SOD2: variants seen among roughly 807,000 people sequenced by gnomAD.
SOD2 encodes the protein superoxide dismutase 2, also known as superoxide dismutase [Mn], mitochondrial.
Under a neutral mutation model 27.0 loss-of-function variants are expected in SOD2, and 11 were observed. The ratio of observed to expected loss-of-function variants is 0.41; its 90% CI spans 0.26 to 0.67. The LOEUF is 0.67. Among genes scored for constraint, SOD2 ranks in the 30% least tolerant of loss-of-function variants. The pLI, the probability that SOD2 is intolerant of heterozygous loss-of-function variation, is 0.34. For missense variants in SOD2, 250 were observed against 274.5 expected, an observed-to-expected ratio of 0.91 and a Z score of 0.63; for synonymous variants, 105 against 103.0, an observed-to-expected ratio of 1.02 and a Z score of -0.12.
chr6:159,757,843 A>G (rs1025326069), intron 1 of SOD2, among the ~76,000 whole-genome samples: 1 of 152,248 alleles, frequency 6.6e-6, no homozygotes, highest in Admixed American at 6.5e-5. Context: ...ACATCCTTCA[A>G]CTTGACCAAT....
chr6:159,707,587 T>G (rs548769011), intron 1 of SOD2, among the ~76,000 whole-genome samples: 1 of 152,308 alleles, frequency 6.6e-6, no homozygotes, highest in African/African-American at 2.4e-5. Context: ...AATCTCTGAA[T>G]AGACCAATAA....
At chr6:159,685,467 C>G (rs879853869) in intron 3 of SOD2, among the ~76,000 whole-genome samples, 2 of 152,110 alleles carry the variant, frequency 1.3e-5, no homozygotes, top group Non-Finnish European at 1.5e-5. Context: ...GTCTCAAACT[C>G]CCAACCTCAG....
chr6:159,713,146 C>A, intron 1 of SOD2: 1 of 1,227,664 alleles, frequency 8.1e-7, no homozygotes, highest in Non-Finnish European at 1.1e-6. Flanking sequence ...CTGTGGTGCT[C>A]TGGAAACTGG....
In SOD2 at chr6:159,675,607, T is replaced by C. The variant is rs1779763489; in HGVS notation, c.*6886A>G. 1 of 152,122 alleles carries C rather than the reference T, an allele frequency of 6.6e-6. No individual in the cohort carries two copies. The highest frequency in any genetic ancestry group is 2.1e-4 in the South Asian group (1 of 4,828). The allele number at this position is 152,122 out of a possible 1,614,324, so 9.4% of individuals were successfully genotyped here. ...TATACAAAAATTAATTCAAGATGGA[T>C]TAAAGACTTAAATGTTAGACCTAAA... On this transcript the variant is annotated 3_prime_UTR_variant, in exon 5 of 5. Transcript: ENST00000538183.
chr6:159,706,442 T>A (rs1251919831), intron 1 of SOD2, among the ~76,000 whole-genome samples: 3 of 151,850 alleles, frequency 2.0e-5, no homozygotes, highest in Non-Finnish European at 4.4e-5. Context: ...GCAAGTGGAA[T>A]ACAAAAAAAG....
chr6:159,671,550 A>C lies in SOD2; in HGVS notation c.*10943T>G, dbSNP rs544876474. The C allele has an allele frequency of 6.6e-6, 1 of 152,446 alleles. No homozygotes were observed. The highest frequency in any genetic ancestry group is 2.1e-4 in the South Asian group (1 of 4,826). The allele number at this position is 152,446 out of a possible 1,614,324, so 9.4% of individuals were successfully genotyped here. ...GGCGGTCCTGACTGTTAGAAGGAAA[A>C]CTAACAAACAGAAAGGACATCCACA... On this transcript the variant is annotated 3_prime_UTR_variant, in exon 5 of 5. Transcript: ENST00000538183.
rs563664314 is a variant in SOD2 at position 159,675,869 on chromosome 6, C to T, written c.*6624G>A. On this transcript the variant is annotated 3_prime_UTR_variant, in exon 5 of 5. Transcript: ENST00000538183. The stretch of plus-strand genomic sequence containing the variant: ...ACTCATCTGACAAAGGGCTAATATC[C>T]AGAATCTACAAGGAACTCAAACAAA... 2.6e-5 allele frequency: 4 copies of T among 152,188 alleles called. No homozygotes were observed. Among genetic ancestry groups the T allele is most frequent in the East Asian group, 3.9e-4 (2 of 5,186 alleles). The allele number at this position is 152,188 out of a possible 1,614,324, so 9.4% of individuals were successfully genotyped here.
chr6:159,750,100 TCTG>T (rs1419257244), upstream of SOD2, among the ~76,000 whole-genome samples: 2 of 152,208 alleles, frequency 1.3e-5, no homozygotes, highest in Non-Finnish European at 2.9e-5. Context: ...CAGCAAGAAA[TCTG>T]CTTCTAAAAT....
rs535057139 is a variant in SOD2, at chr6:159,676,189, C to T, written c.*6304G>A. 22 of 152,264 alleles carry T rather than the reference C, an allele frequency of 1.4e-4. 1 individual carries two copies. In the South Asian group the frequency reaches 3.1e-3, roughly 21 times the overall value. 9.4% of individuals were successfully genotyped at this position (152,264 alleles called of 1,614,324 possible). On this transcript the variant is annotated 3_prime_UTR_variant, in exon 5 of 5. Transcript: ENST00000538183. ...TCAACCATTGTGGAAGACAGTGTGG[C>T]GATTCCTCAGGGATCTAGAACTAGA...
chr6:159,727,157 A>G, exon 1 of SOD2: 2 of 1,193,266 alleles, frequency 1.7e-6, no homozygotes, highest in Non-Finnish European at 1.1e-6. Context: ...GGGCCCGCGG[A>G]GCTCGCGCCA....
rs993285381 is a variant in SOD2 at position 159,682,465 on chromosome 6, T to C, written c.*28A>G. 5.0e-6 allele frequency: 8 copies of C among 1,606,172 alleles called. No individual in the cohort carries two copies. Among genetic ancestry groups the C allele is most frequent in the Non-Finnish European group, 6.8e-6 (8 of 1,175,850 alleles). On this transcript the variant is annotated 3_prime_UTR_variant, in exon 5 of 5. Coordinates refer to ENST00000538183, the MANE Select transcript of SOD2 (RefSeq NM_000636.4). Reference sequence around the variant, plus strand: ...CACTACAAAAACAGTCATAAAGAGCTTAACATACTCAGCATAACGATCGTG... The same window carrying C: ...CACTACAAAAACAGTCATAAAGAGCCTAACATACTCAGCATAACGATCGTG...
At chr6:159,716,382 C>T (rs988533486) in intron 1 of SOD2, among the ~76,000 whole-genome samples, 2 of 152,186 alleles carry the variant, frequency 1.3e-5, no homozygotes, top group Non-Finnish European at 2.9e-5. Context: ...GTTGCCTCAT[C>T]GTCACAAGAT....
upstream of SOD2, among the ~76,000 whole-genome samples, chr6:159,697,298 T>A (rs750860137): frequency 2.0e-5 from 3 of 152,174 alleles, no homozygotes; most frequent in Non-Finnish European, 4.4e-5. Flanking sequence ...TTCTGCTTTT[T>A]TAAAATTTGG....
At chr6:159,711,098 A>G (rs1453590412) in intron 1 of SOD2, among the ~76,000 whole-genome samples, 33 of 87,486 alleles carry the variant, frequency 3.8e-4, no homozygotes, top group African/African-American at 1.3e-3. Flanking sequence ...CACCATAACC[A>G]CCTCCATAAC....
At chr6:159,697,034 G>GACACACACACACACAC (rs35334577), upstream of SOD2, among the ~76,000 whole-genome samples, 90 of 132,714 alleles carry the variant, frequency 6.8e-4, 1 homozygote, top group African/African-American at 8.9e-4. Flanking sequence ...AGGAGACCCT[G>GACACACACACACACAC]ACACACACAC....
intron 1 of SOD2, among the ~76,000 whole-genome samples, chr6:159,719,265 C>T (rs1055910365): frequency 3.9e-5 from 6 of 152,042 alleles, no homozygotes; most frequent in Non-Finnish European, 7.4e-5. Context: ...TAACCCATGC[C>T]TATAATCCCA....
intron 1 of SOD2, among the ~76,000 whole-genome samples, chr6:159,723,557 G>A (rs796610087): frequency 2.0e-5 from 3 of 152,320 alleles, no homozygotes; most frequent in African/African-American, 4.8e-5. Flanking sequence ...ATGGAATTTA[G>A]AAACCAAGAT....
At chr6:159,724,494 C>T (rs1778102181) in intron 1 of SOD2, among the ~76,000 whole-genome samples, 1 of 152,176 alleles carries the variant, frequency 6.6e-6, no homozygotes, top group African/African-American at 2.4e-5. Context: ...ACACAGTTGA[C>T]CCTTGAACAA....
At chr6:159,694,497 GT>G (rs1313379418), upstream of SOD2, among the ~76,000 whole-genome samples, 2 of 152,198 alleles carry the variant, frequency 1.3e-5, no homozygotes, top group Non-Finnish European at 2.9e-5. Context: ...GGCTGGGCTT[GT>G]TTACAGACGT....
Sources: gnomAD v4.1 joint callset for allele counts (sites outside exome capture counted in the v4.1 genomes callset) on GRCh38, gnomAD v4.1.1 for gene constraint, MANE v1.5 for transcripts, NCBI Gene and HGNC (gene_info 2026-07-23, HGNC 2026-07-21) for gene names.